Variants in DOCK8 observed in about 807,000 individuals in gnomAD.
The protein encoded by DOCK8 is dedicator of cytokinesis protein 8.
DOCK8 carries 141 observed loss-of-function variants against 245.6 expected under a neutral mutation model. That is an observed-to-expected ratio of 0.57 (90% CI 0.50 to 0.66). DOCK8 has a LOEUF of 0.66. Ranked by LOEUF, DOCK8 falls within the 30% of genes least tolerant of loss-of-function variation. The probability of loss-of-function intolerance (pLI) is 0.00; values close to 1 mark genes in which losing one functional copy is unlikely to be tolerated. For synonymous variants in DOCK8, 1,168 were observed against 970.2 expected (o/e 1.20, Z -3.79); for missense variants, 2,965 against 2,603.4 (o/e 1.14, Z -3.02).
intron 4 of DOCK8, among the ~76,000 whole-genome samples, chr9:302,734 AT>A (rs893661094): frequency 6.6e-6 from 1 of 152,242 alleles, no homozygotes; most frequent in African/African-American, 2.4e-5. Context: ...TGGCCAAAAA[AT>A]ATATGAAAAA....
rs1448715670 is a variant in DOCK8 at position 215,004 on chromosome 9, C to T, written c.28C>T (p.Arg10Cys). The stretch of plus-strand genomic sequence containing the variant: ...GGCCACTCTGCCGAGCGCAGAGCGC[C>T]GCGCGTTCGCGCTCAAGATCAACAG... MATLPSAER[R>C]AFALKINRYS... The change falls in exon 1 of 48, where the codon CGC becomes TGC. Residue 10 changes from arginine (R) to cysteine (C), a missense_variant. By Grantham distance (180) the Arg-to-Cys change is radical. This residue lies in a region of DOCK8 where 2,825 missense variants were observed against 2,453.5 expected (regional missense o/e 1.15). Coordinates refer to ENST00000432829, the MANE Select transcript of DOCK8 (RefSeq NM_203447.4). The T allele has an allele frequency of 1.9e-6, 3 of 1,593,548 alleles. No homozygotes were observed. Among genetic ancestry groups the T allele is most frequent in the Non-Finnish European group, 2.6e-6 (3 of 1,174,932 alleles).
rs776173320 is a variant in DOCK8 at position 377,073 on chromosome 9, G to A, written c.2302G>A (p.Ala768Thr). ...GCTGGATCAGAAAATCAGCGAGATG[G>A]CGCTGGAGCATGAGCTGAAGCTCAG... ...RVLDQKISEM[A>T]LEHELKLSII... Residue 768 changes from alanine (A) to threonine (T), a missense_variant, in exon 20 of 48, where the codon GCG becomes ACG. Transcript: ENST00000432829. 2 of 1,613,328 alleles carry A rather than the reference G, an allele frequency of 1.2e-6. No individual in the cohort carries two copies. The highest frequency in any genetic ancestry group is 1.1e-5 in the South Asian group (1 of 91,068).
chr9:409,517 G>A (rs925312719), intron 28 of DOCK8, among the ~76,000 whole-genome samples: 1 of 151,960 alleles, frequency 6.6e-6, no homozygotes, highest in African/African-American at 2.4e-5. Flanking sequence ...GAATTCTGAT[G>A]TAGCCTTATT....
At chr9:302,136 A>C (rs2049582047) in intron 4 of DOCK8, among the ~76,000 whole-genome samples, 1 of 152,236 alleles carries the variant, frequency 6.6e-6, no homozygotes, top group African/African-American at 2.4e-5. Context: ...AGCACAGTCC[A>C]GGTACAAAAA....
chr9:382,641 C>T lies in DOCK8; in HGVS notation c.2734C>T (p.His912Tyr), dbSNP rs1482512559. The T allele has an allele frequency of 1.2e-6, 2 of 1,614,158 alleles. No individual in the cohort carries two copies. Among genetic ancestry groups the T allele is most frequent in the South Asian group, 2.2e-5 (2 of 91,070 alleles). ...CAGTAACCCAGACCTCGCGGGGACA[C>T]ACTCCGCAGCAGACGAGGAAGTGAA... ...SSSNPDLAGT[H>Y]SAADEEVKNI... The change falls in exon 22 of 48, where the codon CAC becomes TAC. Residue 912 changes from histidine (H) to tyrosine (Y), a missense_variant. His to Tyr is a moderately conservative substitution (Grantham distance 83). This residue lies in a region of DOCK8 where 2,825 missense variants were observed against 2,453.5 expected (regional missense o/e 1.15). Coordinates refer to ENST00000432829, the MANE Select transcript of DOCK8 (RefSeq NM_203447.4).
intron 26 of DOCK8, among the ~76,000 whole-genome samples, chr9:403,596 T>C (rs2131513615): frequency 6.6e-6 from 1 of 152,032 alleles, no homozygotes; most frequent in East Asian, 1.9e-4. Flanking sequence ...TAAATTATAT[T>C]GTTTAGTCTG....
intron 1 of DOCK8, among the ~76,000 whole-genome samples, chr9:224,232 TTTCC>T (rs373137678): frequency 5.0e-4 from 76 of 152,308 alleles, no homozygotes; most frequent in African/African-American, 1.6e-3. Flanking sequence ...CACTTACTCA[TTTCC>T]TGAAATCACC....
intron 26 of DOCK8, among the ~76,000 whole-genome samples, chr9:403,915 T>TATAGTTTAAAAA (rs1431314560): frequency 2.5e-5 from 2 of 81,256 alleles, no homozygotes; most frequent in Non-Finnish European, 2.1e-5. Flanking sequence ...TATATATATA[T>TATAGTTTAAAAA]ACATATATAT....
intron 1 of DOCK8, among the ~76,000 whole-genome samples, chr9:235,727 T>C (rs969297154): frequency 6.6e-6 from 1 of 152,180 alleles, no homozygotes; most frequent in East Asian, 1.9e-4. Context: ...AATCTCCTGG[T>C]GTGCCGTTTT....
chr9:357,936 T>C (rs78962560), intron 14 of DOCK8, among the ~76,000 whole-genome samples: 2,976 of 152,380 alleles, frequency 0.02, 87 homozygotes, highest in African/African-American at 0.068. Flanking sequence ...TTTGTGAATT[T>C]GCACTTTTAT....
chr9:365,749 G>C, intron 14 of DOCK8: 1 of 426,826 alleles, frequency 2.3e-6, no homozygotes. Context: ...CCTCCAGAGA[G>C]AACACCCTCA....
chr9:279,373 A>C (rs2048482220), intron 2 of DOCK8, among the ~76,000 whole-genome samples: 1 of 152,252 alleles, frequency 6.6e-6, no homozygotes, highest in Non-Finnish European at 1.5e-5. Flanking sequence ...TTGTAATTTT[A>C]AAAATGTATA....
At position 286,687 on chromosome 9, in the gene DOCK8, T is replaced by A. The variant is rs752606199; in HGVS notation, c.332+51T>A. ...GTGATTGGGATTGTCATGATTGTTT[T>A]CAATAAGTGGGTAGGGGAGATGCCT... On this transcript the variant is annotated intron_variant, in intron 3 of 47. Coordinates refer to ENST00000432829, the MANE Select transcript of DOCK8 (RefSeq NM_203447.4). The A allele has an allele frequency of 1.6e-5, 25 of 1,572,090 alleles. No homozygotes were observed. In the South Asian group the frequency reaches 2.8e-4, roughly 17 times the overall value.
At chr9:381,117 A>G (rs2053705293) in intron 21 of DOCK8, 1 of 152,028 alleles carries the variant, frequency 6.6e-6, no homozygotes, top group African/African-American at 2.4e-5. Flanking sequence ...CAAACAAACA[A>G]ACAAACAAAC....
intron 10 of DOCK8, among the ~76,000 whole-genome samples, chr9:333,254 A>C (rs1457160372): frequency 6.6e-6 from 1 of 152,256 alleles, no homozygotes; most frequent in East Asian, 1.9e-4. Flanking sequence ...TGAGCCTATG[A>C]AAAGGATATC....
At chr9:264,423 C>T (rs2047990674) in intron 1 of DOCK8, among the ~76,000 whole-genome samples, 1 of 152,176 alleles carries the variant, frequency 6.6e-6, no homozygotes, top group African/African-American at 2.4e-5. Context: ...GCAAACTTTT[C>T]TTTGTAGTCA....
chr9:243,169 G>T (rs2047418438), intron 1 of DOCK8, among the ~76,000 whole-genome samples: 1 of 152,184 alleles, frequency 6.6e-6, no homozygotes, highest in South Asian at 2.1e-4. Context: ...AATCAACTCA[G>T]TGGTATAAAG....
At chr9:240,509 T>G (rs2047352982) in intron 1 of DOCK8, among the ~76,000 whole-genome samples, 1 of 152,146 alleles carries the variant, frequency 6.6e-6, no homozygotes, top group Non-Finnish European at 1.5e-5. Flanking sequence ...TAAATGTATA[T>G]TTTCCTGAAG....
intron 7 of DOCK8, among the ~76,000 whole-genome samples, chr9:324,384 C>G (rs1172841070): frequency 6.6e-6 from 1 of 152,140 alleles, no homozygotes; most frequent in East Asian, 1.9e-4. Context: ...GACTGGGGCC[C>G]TTTTCCTGGT....
Sources: gnomAD v4.1 joint callset for allele counts (sites outside exome capture counted in the v4.1 genomes callset) on GRCh38, gnomAD v4.1.1 for gene constraint, gnomAD v4.1.1 regional missense constraint, MANE v1.5 for transcripts, NCBI Gene and HGNC (gene_info 2026-07-23, HGNC 2026-07-21) for gene names.